Variants in TNFRSF11A observed in about 807,000 individuals in gnomAD.
The protein encoded by TNFRSF11A is tumor necrosis factor receptor superfamily member 11A.
TNFRSF11A carries 32 observed loss-of-function variants against 55.7 expected under a neutral mutation model. The observed-to-expected ratio is 0.57, with a 90% CI of 0.43 to 0.77. The LOEUF is 0.77. Ranked by LOEUF, TNFRSF11A falls within the 30% of genes least tolerant of loss-of-function variation. The probability of loss-of-function intolerance (pLI) is 0.00; values close to 1 mark genes in which losing one functional copy is unlikely to be tolerated. For synonymous variants in TNFRSF11A, 311 were observed against 331.0 expected (o/e 0.94, Z 0.65); for missense variants, 753 against 809.8 (o/e 0.93, Z 0.85).
chr18:62,351,703 C>T (rs963322239), intron 3 of TNFRSF11A, among the ~76,000 whole-genome samples: 5 of 152,176 alleles, frequency 3.3e-5, no homozygotes, highest in African/African-American at 1.2e-4. Flanking sequence ...TATCACTTTG[C>T]AAAACAATAT....
chr18:62,340,765 A>G (rs1015671305), intron 1 of TNFRSF11A, among the ~76,000 whole-genome samples: 6 of 152,240 alleles, frequency 3.9e-5, no homozygotes, highest in African/African-American at 1.4e-4. Flanking sequence ...CCTGACTGGT[A>G]TAACTTAGGA....
intron 1 of TNFRSF11A, among the ~76,000 whole-genome samples, chr18:62,344,873 G>C (rs981125211): frequency 6.6e-6 from 1 of 152,224 alleles, no homozygotes; most frequent in Admixed American, 6.5e-5. Flanking sequence ...CTGACAGGCC[G>C]TGCAGGCAGA....
At chr18:62,335,760 T>C (rs2046223867) in intron 1 of TNFRSF11A, among the ~76,000 whole-genome samples, 1 of 152,238 alleles carries the variant, frequency 6.6e-6, no homozygotes. Flanking sequence ...GTGGAGTCTT[T>C]CCAAGGGCGT....
chr18:62,355,652 G>A (rs1218348574), intron 4 of TNFRSF11A, among the ~76,000 whole-genome samples: 4 of 152,124 alleles, frequency 2.6e-5, no homozygotes, highest in African/African-American at 7.2e-5. Context: ...AGTTGTCACT[G>A]CATTTATTAT....
At chr18:62,333,904 G>A (rs866587286) in intron 1 of TNFRSF11A, among the ~76,000 whole-genome samples, 2 of 150,900 alleles carry the variant, frequency 1.3e-5, no homozygotes, top group African/African-American at 4.9e-5. Flanking sequence ...TCACTCTGTC[G>A]CCTAGGCTGG....
intron 1 of TNFRSF11A, among the ~76,000 whole-genome samples, chr18:62,338,933 G>A (rs559718968): frequency 4.1e-4 from 62 of 152,154 alleles, no homozygotes; most frequent in African/African-American, 1.3e-3. Context: ...CTCGCCTCCC[G>A]AAATGAGCTG....
At chr18:62,364,227 C>T (rs1909905754) in intron 7 of TNFRSF11A, among the ~76,000 whole-genome samples, 1 of 152,156 alleles carries the variant, frequency 6.6e-6, no homozygotes, top group African/African-American at 2.4e-5. Context: ...GAACCACAGG[C>T]ATTCTATCGT....
At position 62,325,508 on chromosome 18, in the gene TNFRSF11A, C is replaced by T; in HGVS notation, c.75+81C>T. On this transcript the variant is annotated intron_variant, in intron 1 of 9. Coordinates refer to ENST00000586569, the MANE Select transcript of TNFRSF11A (RefSeq NM_003839.4). The surrounding 1 kb of genome is among the most constrained non-coding windows in gnomAD (Gnocchi z 4.7). ...CGGGAAGGGCCGGGGCCGGCGGCATCCTGGCTCCTCCGCCTTCCGAGAGGA... is the reference window on the plus strand; with the variant it reads ...CGGGAAGGGCCGGGGCCGGCGGCATTCTGGCTCCTCCGCCTTCCGAGAGGA... 2 of 941,872 alleles carry T rather than the reference C, an allele frequency of 2.1e-6. No homozygotes were observed. The highest frequency in any genetic ancestry group is 5.6e-5 in the South Asian group (2 of 35,924). The allele number at this position is 941,872 out of a possible 1,614,324, so 58.3% of individuals were successfully genotyped here.
At chr18:62,362,316 C>G (rs143651323) in intron 7 of TNFRSF11A, among the ~76,000 whole-genome samples, 12,780 of 151,388 alleles carry the variant, frequency 0.084, 660 homozygotes, top group East Asian at 0.16. Flanking sequence ...CATGGTGAAA[C>G]CCCATCTGTA....
At chr18:62,351,351 T>C (rs1231273833) in intron 3 of TNFRSF11A, among the ~76,000 whole-genome samples, 2 of 152,220 alleles carry the variant, frequency 1.3e-5, no homozygotes, top group African/African-American at 4.8e-5. Context: ...TATAAATTGG[T>C]TGTTAGCTCT....
intron 2 of TNFRSF11A, among the ~76,000 whole-genome samples, chr18:62,349,483 T>C (rs2046433403): frequency 6.6e-6 from 1 of 152,184 alleles, no homozygotes. Context: ...GCCTGGCCCA[T>C]CATTCTATTC....
At chr18:62,382,655 C>CG (rs146103331) in intron 9 of TNFRSF11A, among the ~76,000 whole-genome samples, 2,517 of 152,004 alleles carry the variant, frequency 0.017, 132 homozygotes, top group East Asian at 0.16. Context: ...TGGTTTTCTG[C>CG]GGGGGGAGTG....
chr18:62,331,210 ATAAATAAATAAATAG>A (rs1306966681), intron 1 of TNFRSF11A, among the ~76,000 whole-genome samples: 1 of 123,546 alleles, frequency 8.1e-6, no homozygotes, highest in South Asian at 2.4e-4. Flanking sequence ...CCCAAAGTAA[ATAAATAAATAAATAG>A]TAAATAAATA....
chr18:62,343,513 G>T (rs1358363903), intron 1 of TNFRSF11A, among the ~76,000 whole-genome samples: 1 of 152,116 alleles, frequency 6.6e-6, no homozygotes, highest in African/African-American at 2.4e-5. Flanking sequence ...TCAGCTTATG[G>T]TTTTTCAGAA....
intron 1 of TNFRSF11A, among the ~76,000 whole-genome samples, chr18:62,329,063 C>G (rs762714457): frequency 1.1e-4 from 17 of 152,128 alleles, no homozygotes; most frequent in Non-Finnish European, 2.4e-4. Flanking sequence ...GTGTGGACTT[C>G]ATCTGCCATG....
intron 1 of TNFRSF11A, among the ~76,000 whole-genome samples, chr18:62,339,871 T>G (rs767686899): frequency 6.6e-6 from 1 of 152,118 alleles, no homozygotes; most frequent in Non-Finnish European, 1.5e-5. Context: ...GAACAGTATG[T>G]GTGTGGGGAG....
In TNFRSF11A at chr18:62,360,048, T is replaced by C; in HGVS notation, c.615T>C (p.Asn205=). The part of the protein sequence containing the change: ...SSSLPARKPP[N]EPHVYLPGLI... ...CTCTGCCAGCTAGAAAACCACCAAATGGTATGTTTAAAAAGAGCCTGTTGG... is the reference window on the plus strand; with the variant it reads ...CTCTGCCAGCTAGAAAACCACCAAACGGTATGTTTAAAAAGAGCCTGTTGG... The change falls in exon 6 of 10, where the codon AAT becomes AAC. Residue 205 remains asparagine (N), a splice_region_variant and synonymous_variant. Transcript: ENST00000586569. 1 of 1,613,348 alleles carries C rather than the reference T, an allele frequency of 6.2e-7. No individual in the cohort carries two copies. Among genetic ancestry groups the C allele is most frequent in the South Asian group, 1.1e-5 (1 of 91,064 alleles).
intron 5 of TNFRSF11A, 82 bp from the exon 6 acceptor site, chr18:62,359,873 A>G: frequency 3.9e-6 from 5 of 1,285,824 alleles, no homozygotes; most frequent in Non-Finnish European, 5.6e-6. Context: ...GGAGCTGGCA[A>G]TCTGGGAGAG....
chr18:62,374,425 G>A (rs1209800086), intron 9 of TNFRSF11A, among the ~76,000 whole-genome samples: 1 of 152,164 alleles, frequency 6.6e-6, no homozygotes, highest in African/African-American at 2.4e-5. Flanking sequence ...AGAAGCATAT[G>A]GGTTAAATAT....
Sources: gnomAD v4.1 joint callset for allele counts (sites outside exome capture counted in the v4.1 genomes callset) on GRCh38, gnomAD v4.1.1 for gene constraint, Gnocchi (gnomAD v3.1) non-coding constraint, MANE v1.5 for transcripts, NCBI Gene and HGNC (gene_info 2026-07-23, HGNC 2026-07-21) for gene names.